HPS1: variants seen among roughly 807,000 people sequenced by gnomAD.
HPS1 encodes HPS1 biogenesis of lysosomal organelles complex 3 subunit 1, also known as BLOC-3 complex member HPS1.
A neutral mutation model predicts 90.6 loss-of-function variants in HPS1; 59 were observed. That is an observed-to-expected ratio of 0.65 (90% CI 0.53 to 0.81). The LOEUF (loss-of-function observed/expected upper bound fraction) is 0.81, where lower values mean the gene tolerates loss of function less well. Among genes scored for constraint, HPS1 ranks in the 30% least tolerant of loss-of-function variants. The probability of loss-of-function intolerance (pLI) is 0.00; values close to 1 mark genes in which losing one functional copy is unlikely to be tolerated. For synonymous variants in HPS1, 388 were observed against 384.4 expected, an observed-to-expected ratio of 1.01 and a Z score of -0.11; for missense variants, 849 against 896.7, an observed-to-expected ratio of 0.95 and a Z score of 0.68.
chr10:98,422,484 T>G lies in HPS1; in HGVS notation c.1628A>C (p.His543Pro). The change falls in exon 17 of 20, where the codon CAC (histidine) becomes CCC (proline). Residue 543 changes from histidine (H) to proline (P), a missense_variant. By Grantham distance (77) the His-to-Pro change is moderately conservative. Transcript: ENST00000361490. ...AGTGGTGCGGTCCACATAGATGAAG[T>G]GCACCAAGCCTGGGAAGTCTTCTAG... is the stretch of plus-strand genomic sequence containing the variant. ...SYLEDFPGLV[H>P]FIYVDRTTGQ... 1.2e-6 allele frequency: 2 copies of G among 1,614,150 alleles called. No homozygotes were observed. Among genetic ancestry groups the G allele is most frequent in the Non-Finnish European group, 1.7e-6 (2 of 1,180,016 alleles).
chr10:98,435,049 C>T lies in HPS1; in HGVS notation c.398+223G>A, dbSNP rs1017402593. The T allele has an allele frequency of 5.2e-6, 3 of 578,658 alleles. No homozygotes were observed. In the African/African-American group the frequency reaches 5.6e-5, roughly 11 times the overall value. The allele number at this position is 578,658 out of a possible 1,614,324, so 35.8% of individuals were successfully genotyped here. ...ATGTGGCCACCAACCAGCTAGATGA[C>T]CCCAGGCAAGTGAGTTCCATTCTCT... On this transcript the variant is annotated intron_variant, in intron 5 of 19. Transcript: ENST00000361490. This position sits in a 1 kb window ranked among gnomAD's most constrained non-coding sequence, Gnocchi z 4.3.
At chr10:98,430,728 G>T in intron 7 of HPS1, 58 bp from the exon 8 acceptor site, 1 of 1,418,448 alleles carries the variant, frequency 7.0e-7, no homozygotes, top group Non-Finnish European at 9.7e-7. Context: ...GACGGGGCAG[G>T]CAGGTTAAAG....
Position 98,425,553 on chromosome 10 carries a change from T to C in HPS1, c.1323A>G (p.Ala441=). 1 of 1,611,260 alleles carries C rather than the reference T, an allele frequency of 6.2e-7. No homozygotes were observed. The highest frequency in any genetic ancestry group is 1.1e-5 in the South Asian group (1 of 90,208). ...RMDKFVKNRG[A]QEIQSTWLEF... ...ACTTGGGTCTCACCTGAATCTCCTG[T>C]GCCCCTCGATTCTTGACAAACTTGT... is the stretch of plus-strand genomic sequence containing the variant. Residue 441 remains alanine, a synonymous_variant, in exon 13 of 20, where the codon GCA becomes GCG. Coordinates refer to ENST00000361490, the MANE Select transcript of HPS1 (RefSeq NM_000195.5).
intron 5 of HPS1, among the ~76,000 whole-genome samples, chr10:98,434,424 C>G (rs142367143): frequency 7.2e-4 from 109 of 150,480 alleles, no homozygotes; most frequent in African/African-American, 2.5e-3. Flanking sequence ...AAGATCTGGT[C>G]CATCATCAGG....
At chr10:98,433,217 G>A in intron 6 of HPS1, among the ~76,000 whole-genome samples, 1 of 145,996 alleles carries the variant, frequency 6.8e-6, no homozygotes. Flanking sequence ...GGGCAACAGA[G>A]CGAGACTCCA....
intron 17 of HPS1, among the ~76,000 whole-genome samples, chr10:98,421,983 C>CACAG (rs1417981571): frequency 1.1e-5 from 1 of 89,978 alleles, no homozygotes; most frequent in African/African-American, 3.3e-5. Context: ...CACACAGACA[C>CACAG]ACACACACAC....
intron 5 of HPS1, 150 bp from the exon 6 acceptor site, chr10:98,434,241 G>A (rs1846964498): frequency 1.0e-5 from 8 of 785,646 alleles, no homozygotes; most frequent in East Asian, 2.7e-5. Flanking sequence ...CCAGGTTTCC[G>A]GCCGAGCTCT....
chr10:98,425,921 A>C lies in HPS1; in HGVS notation c.1052T>G (p.Ile351Ser). ...HCPVPSGPRR[I>S]FLDANVKESY... ...TTCCTTCACGTTGGCATCCAGGAAG[A>C]TCCTTCTGGGGCCGGAAGGCACAGG... The change falls in exon 12 of 20, where the codon ATC becomes AGC. Residue 351 changes from isoleucine to serine, a missense_variant. Transcript: ENST00000361490. 6.2e-7 allele frequency: 1 copy of C among 1,614,092 alleles called. No homozygotes were observed. The highest frequency in any genetic ancestry group is 8.5e-7 in the Non-Finnish European group (1 of 1,179,994).
intron 10 of HPS1, among the ~76,000 whole-genome samples, chr10:98,428,291 T>A (rs1845875864): frequency 6.6e-6 from 1 of 152,204 alleles, no homozygotes; most frequent in African/African-American, 2.4e-5. Context: ...ATTTGGGGAC[T>A]TTTACAAAAT....
chr10:98,420,138 C>T lies in HPS1; in HGVS notation c.1764G>A (p.Leu588=), dbSNP rs1186039172. 6.2e-7 allele frequency: 1 copy of T among 1,613,510 alleles called. No homozygotes were observed. The highest frequency in any genetic ancestry group is 1.3e-5 in the African/African-American group (1 of 74,928). ...VKTKVWSLIQ[L]ARRYLQKGYT... ...AGCCCTTCTGCAGGTATCTGCGCGC[C>T]AGCTGGATCAGAGACCAGACCTGGG... The change falls in exon 18 of 20, where the codon CTG becomes CTA. Residue 588 remains leucine, a synonymous_variant. Transcript: ENST00000361490.
chr10:98,422,411 C>G lies in HPS1; in HGVS notation c.1701G>C (p.Ser567=), dbSNP rs577892972. The G allele has an allele frequency of 1.9e-6, 3 of 1,614,190 alleles. No individual in the cohort carries two copies. The African/African-American group carries it at 4.0e-5, about 22-fold the overall frequency. ...PSLNCSQKTS[S]ELGKGPLAAF... ...CAGCCAGCGGCCCCTTGCCCAACTC[C>G]GACGAGGTCTTTTGACTGCAGTTGA... The change falls in exon 17 of 20, where the codon TCG becomes TCC. Residue 567 remains serine (S), a synonymous_variant. Transcript: ENST00000361490.
chr10:98,434,217 G>T, intron 5 of HPS1, 126 bp from the exon 6 acceptor site: 1 of 936,184 alleles, frequency 1.1e-6, no homozygotes, highest in Non-Finnish European at 1.6e-6. Context: ...TGCCCACACA[G>T]CTGGGAAAGG....
Position 98,435,720 on chromosome 10 carries a change from G to T in HPS1, c.170C>A (p.Ser57Tyr). 2 of 1,614,198 alleles carry T rather than the reference G, an allele frequency of 1.2e-6. No individual in the cohort carries two copies. The highest frequency in any genetic ancestry group is 1.7e-6 in the Non-Finnish European group (2 of 1,180,008). The change falls in exon 4 of 20, where the codon TCC (serine) becomes TAC (tyrosine). Residue 57 changes from serine to tyrosine, a missense_variant. Transcript: ENST00000361490. The surrounding 1 kb of genome is among the most constrained non-coding windows in gnomAD (Gnocchi z 4.3). ...GAGCTTCTCCAGCATCGTCATGGAGGAGATGATGACCGGGGCTAGGAGGGT... is the reference window on the plus strand; with the variant it reads ...GAGCTTCTCCAGCATCGTCATGGAGTAGATGATGACCGGGGCTAGGAGGGT... ...LSTLLAPVII[S>Y]SMTMLEKLSD...
intron 3 of HPS1, 173 bp downstream of exon 3, chr10:98,442,951 G>A: frequency 2.9e-6 from 2 of 691,540 alleles, no homozygotes; most frequent in East Asian, 2.6e-5. Flanking sequence ...AGCATCAAGA[G>A]GCCAACCTTG....
At chr10:98,440,502 T>A (rs1938223495) in intron 3 of HPS1, among the ~76,000 whole-genome samples, 1 of 152,094 alleles carries the variant, frequency 6.6e-6, no homozygotes, top group East Asian at 1.9e-4. Context: ...AGAAGAAATA[T>A]CTTGATATAA....
intron 6 of HPS1, among the ~76,000 whole-genome samples, chr10:98,431,620 T>C (rs1846488939): frequency 6.6e-6 from 1 of 152,212 alleles, no homozygotes; most frequent in Admixed American, 6.5e-5. Flanking sequence ...GAAATGTCCC[T>C]GAATTAGGTC....
At chr10:98,422,949 G>C (rs571513282) in intron 16 of HPS1, among the ~76,000 whole-genome samples, 2 of 152,320 alleles carry the variant, frequency 1.3e-5, no homozygotes, top group East Asian at 3.9e-4. Flanking sequence ...CCATTTGGGA[G>C]GGGAAGAGAC....
intron 18 of HPS1, 65 bp downstream of exon 18, chr10:98,419,980 T>G (rs1442368443): frequency 2.0e-6 from 2 of 1,009,438 alleles, no homozygotes; most frequent in Admixed American, 3.4e-5. Context: ...AAGAAAGGAA[T>G]CCAAGAGTTA....
chr10:98,428,833 T>C (rs963652484), intron 10 of HPS1, among the ~76,000 whole-genome samples: 8 of 151,980 alleles, frequency 5.3e-5, no homozygotes, highest in Admixed American at 1.3e-4. Flanking sequence ...TTTTGAATAT[T>C]TGTAGTTTTG....
Sources: allele counts gnomAD v4.1 joint callset (sites outside exome capture counted in the v4.1 genomes callset), GRCh38; gene constraint gnomAD v4.1.1; non-coding constraint Gnocchi (gnomAD v3.1); transcripts MANE v1.5; gene names NCBI Gene and HGNC (gene_info 2026-07-23, HGNC 2026-07-21).